Variants in MAGI2 observed in about 807,000 individuals in gnomAD.
MAGI2 encodes the protein membrane associated guanylate kinase, WW and PDZ domain containing 2.
MAGI2 carries 35 observed loss-of-function variants against 133.3 expected under a neutral mutation model. The ratio of observed to expected loss-of-function variants is 0.26; its 90% CI spans 0.20 to 0.35. The LOEUF is 0.35. Among genes scored for constraint, MAGI2 ranks in the 10% least tolerant of loss-of-function variants. The probability of loss-of-function intolerance (pLI) is 1.00; values close to 1 mark genes in which losing one functional copy is unlikely to be tolerated. For missense variants in MAGI2, 1,636 were observed against 1,863.4 expected (o/e 0.88, Z 2.25); for synonymous variants, 729 against 710.6 (o/e 1.03, Z -0.41).
At chr7:78,777,882 AC>A (rs35573716) in intron 2 of MAGI2, among the ~76,000 whole-genome samples, 62,622 of 151,786 alleles carry the variant, frequency 0.41, 13,201 homozygotes, top group Non-Finnish European at 0.47. Flanking sequence ...ACACAGAAGG[AC>A]CGCTCTAGAT....
At chr7:78,584,998 A>G (rs1462661717) in intron 3 of MAGI2, among the ~76,000 whole-genome samples, 1 of 152,218 alleles carries the variant, frequency 6.6e-6, no homozygotes, top group African/African-American at 2.4e-5. Flanking sequence ...ACTAGGATTT[A>G]AAGATGTTTG....
At chr7:78,982,098 T>C (rs1804845396) in intron 2 of MAGI2, among the ~76,000 whole-genome samples, 1 of 151,920 alleles carries the variant, frequency 6.6e-6, no homozygotes, top group South Asian at 2.1e-4. Context: ...GGGCTTTAAT[T>C]CAGATCCCAT....
intron 2 of MAGI2, among the ~76,000 whole-genome samples, chr7:78,678,103 T>C (rs144625252): frequency 1.6e-4 from 24 of 152,274 alleles, no homozygotes; most frequent in African/African-American, 5.3e-4. Flanking sequence ...ATGCTTTTTA[T>C]TGGGTAGCTG....
intron 1 of MAGI2, among the ~76,000 whole-genome samples, chr7:79,048,611 T>C (rs1463067034): frequency 6.6e-6 from 1 of 152,236 alleles, no homozygotes; most frequent in Non-Finnish European, 1.5e-5. Flanking sequence ...CTCTATGTTC[T>C]AATTTTGTAC....
intron 10 of MAGI2, among the ~76,000 whole-genome samples, chr7:78,233,719 A>G (rs1453751087): frequency 1.3e-5 from 2 of 152,144 alleles, no homozygotes; most frequent in South Asian, 4.1e-4. Context: ...AGAAAAAGGA[A>G]GTTATAACAG....
In MAGI2 at chr7:79,391,516, T is replaced by TATATATATATAGAC. The variant is rs1186884307; in HGVS notation, c.301+61503_301+61504insGTCTATATATATAT. On this transcript the variant is annotated intron_variant, in intron 1 of 21. Coordinates refer to ENST00000354212, the MANE Select transcript of MAGI2 (RefSeq NM_012301.4). ...ATATATATATATATAGACATATATATATATATATATATATATATATAGACA... is the reference window on the plus strand; with the variant it reads ...ATATATATATATATAGACATATATATATATATATATAGACATATATATATATATATATATAGACA... 5.4e-4 allele frequency among the ~76,000 whole-genome samples: 28 copies of TATATATATATAGAC among 52,128 alleles called. No homozygotes were observed. The African/African-American group carries it at 6.7e-3, about 12-fold the overall frequency. The allele number at this position is 52,128 out of a possible 152,430, so 34.2% of individuals were successfully genotyped here.
intron 9 of MAGI2, among the ~76,000 whole-genome samples, chr7:78,312,835 C>CAT (rs1243448850): frequency 6.6e-6 from 1 of 151,454 alleles, no homozygotes; most frequent in African/African-American, 2.4e-5. Flanking sequence ...TACCTGCATA[C>CAT]ATATATATTG....
intron 2 of MAGI2, among the ~76,000 whole-genome samples, chr7:78,729,009 C>T (rs1056225381): frequency 6.6e-6 from 1 of 152,162 alleles, no homozygotes; most frequent in African/African-American, 2.4e-5. Context: ...TGAGGGCATA[C>T]TATAGATGCA....
At chr7:79,099,869 T>C (rs1364307063) in intron 1 of MAGI2, among the ~76,000 whole-genome samples, 1 of 152,186 alleles carries the variant, frequency 6.6e-6, no homozygotes, top group African/African-American at 2.4e-5. Context: ...TATCAAATGG[T>C]AATATATGTT....
intron 6 of MAGI2, among the ~76,000 whole-genome samples, chr7:78,396,360 A>G (rs1393643898): frequency 6.6e-6 from 1 of 152,010 alleles, no homozygotes; most frequent in Non-Finnish European, 1.5e-5. Flanking sequence ...TCTGTTCTCT[A>G]TAGGCCAGCC....
chr7:78,872,685 T>C (rs1181871065), intron 2 of MAGI2, among the ~76,000 whole-genome samples: 1 of 152,138 alleles, frequency 6.6e-6, no homozygotes, highest in Non-Finnish European at 1.5e-5. Context: ...TTTATGCTTT[T>C]AGTTGTTTGT....
At chr7:78,553,650 C>T (rs767447606) in intron 3 of MAGI2, among the ~76,000 whole-genome samples, 21 of 152,178 alleles carry the variant, frequency 1.4e-4, no homozygotes, top group Admixed American at 6.5e-5. Flanking sequence ...AGACACTGTC[C>T]TGGGTGCTAG....
At chr7:78,835,670 T>C (rs1311345077) in intron 2 of MAGI2, among the ~76,000 whole-genome samples, 2 of 152,158 alleles carry the variant, frequency 1.3e-5, no homozygotes, top group Non-Finnish European at 2.9e-5. Flanking sequence ...GGACAGGGTT[T>C]GCTGTATCAT....
intron 3 of MAGI2, among the ~76,000 whole-genome samples, chr7:78,626,888 G>GTA (rs1452276666): frequency 3.3e-5 from 5 of 150,206 alleles, no homozygotes; most frequent in African/African-American, 4.9e-5. Flanking sequence ...TATAATAGGT[G>GTA]TATATATATA....
At chr7:78,743,729 G>C (rs189138314) in intron 2 of MAGI2, among the ~76,000 whole-genome samples, 1 of 152,156 alleles carries the variant, frequency 6.6e-6, no homozygotes, top group Non-Finnish European at 1.5e-5. Flanking sequence ...TATAAGCATA[G>C]GTGAACAATT....
At chr7:78,653,904 T>G (rs2151020480) in intron 2 of MAGI2, among the ~76,000 whole-genome samples, 1 of 152,296 alleles carries the variant, frequency 6.6e-6, no homozygotes, top group East Asian at 1.9e-4. Flanking sequence ...TATTTATCTT[T>G]GAATAAATGC....
chr7:78,055,151 C>G (rs1335070325), intron 21 of MAGI2, among the ~76,000 whole-genome samples: 1 of 152,036 alleles, frequency 6.6e-6, no homozygotes, highest in Non-Finnish European at 1.5e-5. Context: ...GCTCTGGGCA[C>G]AATCATGCTT....
chr7:78,399,261 C>T (rs1796631621), intron 6 of MAGI2, among the ~76,000 whole-genome samples: 1 of 152,198 alleles, frequency 6.6e-6, no homozygotes, highest in Non-Finnish European at 1.5e-5. Context: ...CACACACACA[C>T]ACCCAGAAAT....
intron 1 of MAGI2, among the ~76,000 whole-genome samples, chr7:79,198,960 A>G (rs1244655441): frequency 1.3e-5 from 2 of 151,968 alleles, no homozygotes; most frequent in East Asian, 3.9e-4. Flanking sequence ...TACAGAGCCT[A>G]CCAGCTTTCC....
Sources: gnomAD v4.1 joint callset for allele counts (sites outside exome capture counted in the v4.1 genomes callset) on GRCh38, gnomAD v4.1.1 for gene constraint, MANE v1.5 for transcripts, NCBI Gene and HGNC (gene_info 2026-07-23, HGNC 2026-07-21) for gene names.